The following SYNE2 variants were observed in gnomAD, a reference collection of about 807,000 sequenced individuals.
SYNE2 encodes the protein spectrin repeat containing nuclear envelope protein 2.
Under a neutral mutation model 856.3 loss-of-function variants are expected in SYNE2, and 431 were observed. That is an observed-to-expected ratio of 0.50 (90% CI 0.47 to 0.55). SYNE2 has a LOEUF of 0.55. SYNE2 is among the 20% of genes least tolerant of loss of function. SYNE2 has a pLI of 0.00. For synonymous variants in SYNE2, 2,923 were observed against 2,872.3 expected, an observed-to-expected ratio of 1.02 and a Z score of -0.56; for missense variants, 8,129 against 8,023.2, an observed-to-expected ratio of 1.01 and a Z score of -0.50.
In SYNE2 at chr14:64,040,598, AT is replaced by A. The variant is rs2097140929; in HGVS notation, c.7222-7401del. Reference sequence around the variant, plus strand: ...CCCTACTGTAGAAGTGAGGTTAAAAATATATATATATATATATGTATATACA... The same window carrying A: ...CCCTACTGTAGAAGTGAGGTTAAAAAATATATATATATATATGTATATACA... On this transcript the variant is annotated intron_variant, in intron 45 of 115. Coordinates refer to ENST00000555002, the MANE Select transcript of SYNE2 (RefSeq NM_182914.3). 1.5e-3 allele frequency among the ~76,000 whole-genome samples: 11 copies of A among 7,574 alleles called. No homozygotes were observed. In the South Asian group the frequency reaches 0.049, roughly 34 times the overall value. 5.0% of individuals were successfully genotyped at this position (7,574 alleles called of 152,430 possible).
chr14:64,176,594 AAAG>A (rs770682752), intron 95 of SYNE2, among the ~76,000 whole-genome samples: 74 of 152,228 alleles, frequency 4.9e-4, no homozygotes, highest in South Asian at 2.3e-3. Context: ...TGACGGTGGA[AAAG>A]AAGACAAGGA....
At chr14:63,831,430 C>T (rs1255176503) in intron 1 of SYNE2, among the ~76,000 whole-genome samples, 1 of 151,312 alleles carries the variant, frequency 6.6e-6, no homozygotes, top group African/African-American at 2.4e-5. Flanking sequence ...TTGTTCTTGA[C>T]ATTTGCTCTT....
chr14:64,073,101 A>T (rs1016462961), intron 52 of SYNE2, among the ~76,000 whole-genome samples: 2 of 152,138 alleles, frequency 1.3e-5, no homozygotes, highest in Non-Finnish European at 2.9e-5. Flanking sequence ...TGGAGACTTC[A>T]TTATGTAGTC....
At chr14:63,829,957 C>T (rs1403042453) in intron 1 of SYNE2, among the ~76,000 whole-genome samples, 1 of 152,122 alleles carries the variant, frequency 6.6e-6, no homozygotes, top group East Asian at 1.9e-4. Flanking sequence ...GTAAAAAAAG[C>T]AAATGCCTAT....
chr14:64,163,740 A>G (rs770025866), intron 89 of SYNE2, among the ~76,000 whole-genome samples, 159 bp downstream of exon 89: 1 of 152,182 alleles, frequency 6.6e-6, no homozygotes, highest in Non-Finnish European at 1.5e-5. Flanking sequence ...CTTCAATCAC[A>G]TGGGCAGATC....
intron 104 of SYNE2, 81 bp from the exon 105 acceptor site, chr14:64,212,730 C>G: frequency 3.0e-6 from 4 of 1,319,488 alleles, no homozygotes; most frequent in Non-Finnish European, 4.4e-6. Context: ...GGATGCTTTT[C>G]TATGGCCCTG....
chr14:64,070,914 A>G lies in SYNE2; in HGVS notation c.10697+4A>G. ...CTATGAAAGAACGATGCAACAAGTA[A>G]GATTTATGAAAAACTATTAAGGACG... On this transcript the variant is annotated splice_donor_region_variant and intron_variant, in intron 52 of 115. Coordinates refer to ENST00000555002, the MANE Select transcript of SYNE2 (RefSeq NM_182914.3). 1 of 1,614,044 alleles carries G rather than the reference A, an allele frequency of 6.2e-7. No individual in the cohort carries two copies. Among genetic ancestry groups the G allele is most frequent in the Non-Finnish European group, 8.5e-7 (1 of 1,179,894 alleles).
chr14:64,182,351 AT>A (rs2098461933), intron 96 of SYNE2, among the ~76,000 whole-genome samples: 1 of 130,642 alleles, frequency 7.7e-6, no homozygotes, highest in African/African-American at 3.1e-5. Context: ...GTCTGGGGCA[AT>A]TTAATTTATT....
rs562259789 is a variant in SYNE2, at chr14:64,011,727, C to T, written c.4728+1611C>T. Among the ~76,000 whole-genome samples, 6 of 152,292 alleles carry T rather than the reference C, an allele frequency of 3.9e-5. No individual in the cohort carries two copies. In the East Asian group the frequency reaches 7.7e-4, roughly 20 times the overall value. ...GTGTCAGTTATGATGCCCCATGCTG[C>T]GTGTGGCCTGTCTGCTGCTCTTCCC... On this transcript the variant is annotated intron_variant, in intron 32 of 115. Transcript: ENST00000555002.
intron 32 of SYNE2, among the ~76,000 whole-genome samples, chr14:64,010,724 C>A (rs556243900): frequency 1.3e-5 from 2 of 152,230 alleles, no homozygotes; most frequent in Admixed American, 6.5e-5. Flanking sequence ...TCTTTCTTCC[C>A]TCCCCTCCCC....
At position 64,071,595 on chromosome 14, in the gene SYNE2, C is replaced by A. The variant is rs530809475; in HGVS notation, c.10697+685C>A. Among the ~76,000 whole-genome samples, 5 of 151,912 alleles carry A rather than the reference C, an allele frequency of 3.3e-5. No individual in the cohort carries two copies. The East Asian group carries it at 9.6e-4, about 29-fold the overall frequency. ...ATAACCACTGCCAATCATTTTTTCTCCTTTTTTACTATGATTTTGTTTTTA... is the reference window on the plus strand; with the variant it reads ...ATAACCACTGCCAATCATTTTTTCTACTTTTTTACTATGATTTTGTTTTTA... On this transcript the variant is annotated intron_variant, in intron 52 of 115. Coordinates refer to ENST00000555002, the MANE Select transcript of SYNE2 (RefSeq NM_182914.3).
At chr14:63,787,030 T>C (rs1418977846) in intron 1 of SYNE2, among the ~76,000 whole-genome samples, 2 of 152,208 alleles carry the variant, frequency 1.3e-5, no homozygotes, top group Non-Finnish European at 2.9e-5. Flanking sequence ...CCCAAAGTGC[T>C]AGGATTACAG....
At chr14:63,913,478 T>C (rs915816869) in intron 2 of SYNE2, among the ~76,000 whole-genome samples, 1 of 151,184 alleles carries the variant, frequency 6.6e-6, no homozygotes, top group Non-Finnish European at 1.5e-5. Context: ...TTTTTTTTTT[T>C]CTGAGACAGA....
In SYNE2 at chr14:63,976,631, C is replaced by G; in HGVS notation, c.1197C>G (p.Leu399=). The G allele has an allele frequency of 1.2e-6, 2 of 1,609,646 alleles. No homozygotes were observed. The highest frequency in any genetic ancestry group is 1.7e-6 in the Non-Finnish European group (2 of 1,179,374). Residue 399 remains leucine (L), a synonymous_variant, in exon 12 of 116, where the codon CTC becomes CTG. Coordinates refer to ENST00000555002, the MANE Select transcript of SYNE2 (RefSeq NM_182914.3). ...CCCTCCATCAAACTGAAGCTTGGCT[C>G]CAGGAGGTAGAAGAGCTTATGGATG... ...PPPLHQTEAW[L]QEVEELMDED...
intron 94 of SYNE2, among the ~76,000 whole-genome samples, chr14:64,171,615 A>G (rs1216341841): frequency 6.6e-6 from 1 of 152,182 alleles, no homozygotes; most frequent in Non-Finnish European, 1.5e-5. Context: ...AGACTGAAGG[A>G]GAGGCTTACT....
chr14:63,847,384 G>T (rs962730504), intron 1 of SYNE2, among the ~76,000 whole-genome samples: 6 of 151,882 alleles, frequency 4.0e-5, no homozygotes, highest in Admixed American at 1.3e-4. Context: ...TTGAGCCCAG[G>T]AGGTCGAGGC....
chr14:63,941,013 A>C (rs1281020566), intron 3 of SYNE2, among the ~76,000 whole-genome samples: 1 of 152,240 alleles, frequency 6.6e-6, no homozygotes, highest in Non-Finnish European at 1.5e-5. Flanking sequence ...AAACTCTTTA[A>C]GTGTAATGAT....
intron 22 of SYNE2, 105 bp downstream of exon 22, chr14:63,994,074 C>G (rs968692319): frequency 8.5e-7 from 1 of 1,180,812 alleles, no homozygotes; most frequent in Non-Finnish European, 1.2e-6. Context: ...GTTGTATCAC[C>G]AGTGGGCTGG....
At chr14:64,075,579 C>CA (rs1274293358) in intron 53 of SYNE2, 4 of 240,254 alleles carry the variant, frequency 1.7e-5, no homozygotes, top group Non-Finnish European at 3.2e-5. Flanking sequence ...AAAACAACAA[C>CA]AAAAAACTTC....
Sources: gnomAD v4.1 joint callset for allele counts (sites outside exome capture counted in the v4.1 genomes callset) on GRCh38, gnomAD v4.1.1 for gene constraint, MANE v1.5 for transcripts, NCBI Gene and HGNC (gene_info 2026-07-23, HGNC 2026-07-21) for gene names.